SSBP3: variants seen among roughly 807,000 people sequenced by gnomAD.
SSBP3 encodes the protein single-stranded DNA-binding protein 3.
A neutral mutation model predicts 69.6 loss-of-function variants in SSBP3; 5 were observed. The observed-to-expected ratio is 0.07, with a 90% CI of 0.04 to 0.15. The LOEUF (loss-of-function observed/expected upper bound fraction) is 0.15. SSBP3 is among the 10% of genes least tolerant of loss of function. SSBP3 has a pLI of 1.00. For synonymous variants in SSBP3, 196 were observed against 193.4 expected (o/e 1.01, Z -0.11); for missense variants, 312 against 534.0 (o/e 0.58, Z 4.10).
chr1:54,326,074 T>C (rs1569817048), intron 4 of SSBP3, among the ~76,000 whole-genome samples: 1 of 150,896 alleles, frequency 6.6e-6, no homozygotes, highest in Non-Finnish European at 1.5e-5. Context: ...GGGATGGCGG[T>C]GCTGATGGCA....
intron 4 of SSBP3, among the ~76,000 whole-genome samples, chr1:54,393,146 G>C (rs1422822151): frequency 6.6e-6 from 1 of 152,232 alleles, no homozygotes; most frequent in Non-Finnish European, 1.5e-5. Flanking sequence ...AAAATGGACA[G>C]TGATGGGGCA....
chr1:54,278,459 G>A (rs914681980), intron 5 of SSBP3, among the ~76,000 whole-genome samples: 19 of 152,242 alleles, frequency 1.2e-4, no homozygotes, highest in African/African-American at 1.7e-4. Context: ...AAACCTGGAC[G>A]TGGAAGAAGA....
At chr1:54,226,647 T>G (rs1644289115) in exon 18 of SSBP3, 2 of 141,630 alleles carry the variant, frequency 1.4e-5, no homozygotes, top group Admixed American at 1.4e-4. Flanking sequence ...CTGGTTTTCC[T>G]TTTTTTTTTT....
At position 54,373,858 on chromosome 1, in the gene SSBP3, G is replaced by C. The variant is rs553154308; in HGVS notation, c.276+28003C>G. ...TACTCACACCCAGGGGCTGCTTGAG[G>C]AAAGTGTCTGAGCTGAGTGCCCTGG... is the stretch of plus-strand genomic sequence containing the variant. On this transcript the variant is annotated intron_variant, in intron 4 of 17. Transcript: ENST00000610401. 9.9e-5 allele frequency among the ~76,000 whole-genome samples: 15 copies of C among 152,252 alleles called. No homozygotes were observed. In the South Asian group the frequency reaches 2.9e-3, roughly 30 times the overall value.
intron 14 of SSBP3, among the ~76,000 whole-genome samples, chr1:54,233,709 G>C (rs1360859433): frequency 6.7e-6 from 1 of 149,154 alleles, no homozygotes; most frequent in East Asian, 2.0e-4. Flanking sequence ...GTCTGGGAGG[G>C]AGGTGGGGGG....
chr1:54,225,522 T>C lies in SSBP3; in HGVS notation c.*1609A>G, dbSNP rs1644272514. The C allele has an allele frequency of 3.1e-6, 3 of 963,352 alleles. No individual in the cohort carries two copies. In the African/African-American group the frequency reaches 5.1e-5, roughly 16 times the overall value. The allele number at this position is 963,352 out of a possible 1,614,324, so 59.7% of individuals were successfully genotyped here. ...TCATAATTACTTTTTTTTCCTCTCT[T>C]AATTCAGAACCAGACTACAAGGTAA... On this transcript the variant is annotated 3_prime_UTR_variant, in exon 18 of 18. Coordinates refer to ENST00000610401, the Ensembl canonical transcript of SSBP3.
intron 4 of SSBP3, among the ~76,000 whole-genome samples, chr1:54,401,024 G>C (rs1649253097): frequency 6.6e-6 from 1 of 152,146 alleles, no homozygotes; most frequent in Admixed American, 6.5e-5. Flanking sequence ...AAGAAGAACT[G>C]AACAGAGGCT....
chr1:54,401,446 G>C (rs1649294213), intron 4 of SSBP3, among the ~76,000 whole-genome samples: 2 of 152,084 alleles, frequency 1.3e-5, no homozygotes. Context: ...GAGCAAGAGA[G>C]TCCATTCCAC....
At chr1:54,375,357 T>C (rs1182414137) in intron 4 of SSBP3, among the ~76,000 whole-genome samples, 2 of 128,476 alleles carry the variant, frequency 1.6e-5, no homozygotes, top group African/African-American at 3.1e-5. Context: ...CATGCATGCA[T>C]GCATTCAATT....
chr1:54,367,833 G>A (rs1317595098), intron 4 of SSBP3, among the ~76,000 whole-genome samples: 1 of 152,170 alleles, frequency 6.6e-6, no homozygotes, highest in Non-Finnish European at 1.5e-5. Context: ...TTGTGTTTAT[G>A]TGCACAAACA....
intron 4 of SSBP3, among the ~76,000 whole-genome samples, chr1:54,396,148 C>T (rs1355303218): frequency 5.7e-5 from 8 of 140,386 alleles, no homozygotes; most frequent in Non-Finnish European, 1.1e-4. Flanking sequence ...GCCAAGATCG[C>T]GCCATGGCAC....
At chr1:54,260,265 C>A (rs551341743) in intron 5 of SSBP3, among the ~76,000 whole-genome samples, 1 of 152,352 alleles carries the variant, frequency 6.6e-6, no homozygotes, top group South Asian at 2.1e-4. Context: ...GGCAAAAGGC[C>A]TTCTGTTGGT....
intron 4 of SSBP3, among the ~76,000 whole-genome samples, chr1:54,324,624 T>C (rs1010583569): frequency 6.6e-6 from 1 of 151,640 alleles, no homozygotes; most frequent in South Asian, 2.1e-4. Context: ...TTTACAGAAT[T>C]TACCAAATGG....
At chr1:54,304,975 G>C (rs538396493) in intron 4 of SSBP3, among the ~76,000 whole-genome samples, 2 of 152,066 alleles carry the variant, frequency 1.3e-5, no homozygotes, top group Non-Finnish European at 2.9e-5. Context: ...GACCCGGAGC[G>C]GCTCTTAGTG....
In SSBP3 at chr1:54,371,541, T is replaced by C. The variant is rs117981274; in HGVS notation, c.276+30320A>G. 1.3e-4 allele frequency among the ~76,000 whole-genome samples: 20 copies of C among 152,288 alleles called. No homozygotes were observed. In the East Asian group the frequency reaches 3.7e-3, roughly 28 times the overall value. On this transcript the variant is annotated intron_variant, in intron 4 of 17. Coordinates refer to ENST00000610401, the Ensembl canonical transcript of SSBP3. ...AGACACACCCAGTTTGGTGTTTCAGTGTGTCTGCAATGATGGTGCCTCTGG... is the reference window on the plus strand; with the variant it reads ...AGACACACCCAGTTTGGTGTTTCAGCGTGTCTGCAATGATGGTGCCTCTGG...
intron 7 of SSBP3, among the ~76,000 whole-genome samples, chr1:54,254,232 G>A (rs1644880848): frequency 1.3e-5 from 2 of 152,172 alleles, no homozygotes; most frequent in South Asian, 4.1e-4. Flanking sequence ...CACTGCATGT[G>A]GGGCAAGGCA....
chr1:54,323,764 G>A (rs1203615724), intron 4 of SSBP3, among the ~76,000 whole-genome samples: 1 of 152,206 alleles, frequency 6.6e-6, no homozygotes, highest in Non-Finnish European at 1.5e-5. Flanking sequence ...CTCTGCCCCA[G>A]AGACTGTCTG....
rs568678397 is a variant in SSBP3 at position 54,403,953 on chromosome 1, G to A, written c.191+623C>T. 8.8e-5 allele frequency among the ~76,000 whole-genome samples: 13 copies of A among 147,688 alleles called. No homozygotes were observed. The South Asian group carries it at 1.7e-3, about 20-fold the overall frequency. ...CAGAGAGTGGGAGCCCCTAACTGCA[G>A]ACACTGCGAGGTCGACTCTGACCAG... On this transcript the variant is annotated intron_variant, in intron 3 of 17. Transcript: ENST00000610401.
intron 4 of SSBP3, among the ~76,000 whole-genome samples, chr1:54,338,206 G>C (rs1000220870): frequency 6.6e-6 from 1 of 152,214 alleles, no homozygotes; most frequent in African/African-American, 2.4e-5. Flanking sequence ...TCACAGCCTC[G>C]GTGCCCCTAC....
Sources: gnomAD v4.1 joint callset for allele counts (sites outside exome capture counted in the v4.1 genomes callset) on GRCh38, gnomAD v4.1.1 for gene constraint, MANE v1.5 for transcripts, NCBI Gene and HGNC (gene_info 2026-07-23, HGNC 2026-07-21) for gene names.